KCNB2: variants seen among roughly 807,000 people sequenced by gnomAD.
KCNB2 encodes the protein delayed rectifier potassium channel protein.
In KCNB2, 15 loss-of-function variants were observed where a neutral mutation model predicts 61.5. That is an observed-to-expected ratio of 0.24 (90% CI 0.16 to 0.38). The LOEUF (loss-of-function observed/expected upper bound fraction) is 0.38. KCNB2 is among the 10% of genes least tolerant of loss of function. KCNB2 has a pLI of 1.00. For synonymous variants in KCNB2, 457 were observed against 446.0 expected (o/e 1.02, Z -0.31); for missense variants, 828 against 1,125.2 (o/e 0.74, Z 3.78).
chr8:72,561,719 A>ATATATATGTG (rs1806521209), intron 1 of KCNB2, among the ~76,000 whole-genome samples: 1 of 24,114 alleles, frequency 4.1e-5, no homozygotes, highest in African/African-American at 3.6e-4. Context: ...ATATATATAT[A>ATATATATGTG]TATATATATC....
chr8:72,686,415 A>G (rs1806854555), intron 2 of KCNB2, among the ~76,000 whole-genome samples: 1 of 152,006 alleles, frequency 6.6e-6, no homozygotes, highest in Non-Finnish European at 1.5e-5. Flanking sequence ...TGGCACAATC[A>G]TAGCTTACTG....
chr8:72,744,213 CAGA>C (rs1056530621), intron 2 of KCNB2, among the ~76,000 whole-genome samples: 1 of 152,092 alleles, frequency 6.6e-6, no homozygotes, highest in African/African-American at 2.4e-5. Context: ...TAGTAGAGAG[CAGA>C]AGGAGCCACA....
chr8:72,785,826 C>G (rs1394075343), intron 2 of KCNB2, among the ~76,000 whole-genome samples: 1 of 152,024 alleles, frequency 6.6e-6, no homozygotes, highest in African/African-American at 2.4e-5. Flanking sequence ...CTACTGAGTG[C>G]CTGCTGTGTA....
At chr8:72,907,412 A>G (rs1806198433) in intron 2 of KCNB2, among the ~76,000 whole-genome samples, 1 of 152,080 alleles carries the variant, frequency 6.6e-6, no homozygotes, top group South Asian at 2.1e-4. Flanking sequence ...ACACACAACT[A>G]TTTAAAAGTA....
chr8:72,556,810 A>G lies in KCNB2; in HGVS notation c.-93-10832A>G, dbSNP rs150184509. 1.1e-4 allele frequency among the ~76,000 whole-genome samples: 17 copies of G among 152,250 alleles called. No homozygotes were observed. In the East Asian group the frequency reaches 3.3e-3, roughly 29 times the overall value. On this transcript the variant is annotated intron_variant, in intron 1 of 2. Coordinates refer to ENST00000523207, the MANE Select transcript of KCNB2 (RefSeq NM_004770.3). ...AGCGGTCTGCTTTGAGGCTGATGGTATGGTATCTTAGTCCTTTGGGACTAT... is the reference window on the plus strand; with the variant it reads ...AGCGGTCTGCTTTGAGGCTGATGGTGTGGTATCTTAGTCCTTTGGGACTAT...
chr8:72,691,969 G>GC (rs1806946623), intron 2 of KCNB2, among the ~76,000 whole-genome samples: 1 of 152,020 alleles, frequency 6.6e-6, no homozygotes, highest in African/African-American at 2.4e-5. Flanking sequence ...GGGTGCGGTG[G>GC]CTCACACTTG....
At chr8:72,865,818 G>C (rs1218186734) in intron 2 of KCNB2, among the ~76,000 whole-genome samples, 1 of 152,036 alleles carries the variant, frequency 6.6e-6, no homozygotes, top group Non-Finnish European at 1.5e-5. Flanking sequence ...CCATCCTAAG[G>C]AAACACCCTG....
intron 2 of KCNB2, among the ~76,000 whole-genome samples, chr8:72,834,354 G>C: frequency 6.6e-6 from 1 of 152,122 alleles, no homozygotes; most frequent in South Asian, 2.1e-4. Flanking sequence ...GTTGCTACAG[G>C]GGGAGGAAAG....
At chr8:72,824,139 A>G (rs948771676) in intron 2 of KCNB2, among the ~76,000 whole-genome samples, 1 of 152,184 alleles carries the variant, frequency 6.6e-6, no homozygotes, top group African/African-American at 2.4e-5. Context: ...AATTCAAAGT[A>G]TTAGTCAAAA....
chr8:72,604,675 T>G (rs1182139053), intron 2 of KCNB2, among the ~76,000 whole-genome samples: 1 of 152,214 alleles, frequency 6.6e-6, no homozygotes, highest in Non-Finnish European at 1.5e-5. Flanking sequence ...GATCATAAAT[T>G]AATTGTTTTG....
intron 1 of KCNB2, among the ~76,000 whole-genome samples, chr8:72,543,636 A>T (rs919494951): frequency 2.0e-5 from 3 of 152,196 alleles, no homozygotes; most frequent in African/African-American, 7.2e-5. Context: ...TCCTGTGTAA[A>T]AACATGCTAT....
At chr8:72,725,571 A>ATATG (rs1807627505) in intron 2 of KCNB2, among the ~76,000 whole-genome samples, 3 of 91,396 alleles carry the variant, frequency 3.3e-5, no homozygotes, top group African/African-American at 1.6e-4. Context: ...ATATGTATAT[A>ATATG]TATGTATATA....
At position 72,551,111 on chromosome 8, in the gene KCNB2, C is replaced by T. The variant is rs943099225; in HGVS notation, c.-94+13226C>T. Among the ~76,000 whole-genome samples the T allele has an allele frequency of 2.0e-4, 30 of 152,308 alleles. 1 individual carries two copies. Among genetic ancestry groups the T allele is most frequent in the Admixed American group, 1.4e-3 (21 of 15,290 alleles). On this transcript the variant is annotated intron_variant, in intron 1 of 2. Transcript: ENST00000523207. ...GCACAATGGACAGGACCATTTCTTA[C>T]GCCATCACCAAAGCACCAACCCCAC...
In KCNB2 at chr8:72,936,997, A is replaced by T. The variant is rs1166790614; in HGVS notation, c.1642A>T (p.Thr548Ser). ...QKLEMLYNEI[T>S]KTQPHSHPNP... The stretch of plus-strand genomic sequence containing the variant: ...ACTGGAGATGCTATACAATGAAATC[A>T]CCAAGACACAGCCTCATTCTCACCC... The change falls in exon 3 of 3, where the codon ACC (threonine) becomes TCC (serine). Residue 548 changes from threonine (T) to serine (S), a missense_variant. Transcript: ENST00000523207. This position sits in a 1 kb window ranked among gnomAD's most constrained non-coding sequence, Gnocchi z 5.6. The T allele has an allele frequency of 6.2e-7, 1 of 1,614,036 alleles. No homozygotes were observed. Among genetic ancestry groups the T allele is most frequent in the East Asian group, 2.2e-5 (1 of 44,884 alleles).
At chr8:72,637,155 A>AAGTTAAG (rs1805979227) in intron 2 of KCNB2, among the ~76,000 whole-genome samples, 1 of 152,042 alleles carries the variant, frequency 6.6e-6, no homozygotes. Context: ...TACGCCTCTG[A>AAGTTAAG]CTCAGTTTCT....
chr8:72,821,297 C>G (rs1185528840), intron 2 of KCNB2, among the ~76,000 whole-genome samples: 2 of 151,892 alleles, frequency 1.3e-5, no homozygotes, highest in East Asian at 3.9e-4. Flanking sequence ...TATTAATATG[C>G]CTGATTATTA....
intron 2 of KCNB2, among the ~76,000 whole-genome samples, chr8:72,620,988 T>C (rs1805706045): frequency 1.3e-5 from 2 of 152,218 alleles, no homozygotes; most frequent in Non-Finnish European, 1.5e-5. Flanking sequence ...TCTGGACTTT[T>C]GTCTTTCTGA....
At chr8:72,753,164 T>A (rs1808228053) in intron 2 of KCNB2, among the ~76,000 whole-genome samples, 1 of 152,204 alleles carries the variant, frequency 6.6e-6, no homozygotes, top group Non-Finnish European at 1.5e-5. Context: ...TTGAATAGAT[T>A]TTTGTTGGTA....
intron 2 of KCNB2, among the ~76,000 whole-genome samples, chr8:72,766,373 G>A (rs1205528501): frequency 2.0e-5 from 3 of 152,294 alleles, no homozygotes; most frequent in African/African-American, 7.2e-5. Flanking sequence ...CTTAAACTAT[G>A]TTCCACAAGA....
Sources: allele counts gnomAD v4.1 joint callset (sites outside exome capture counted in the v4.1 genomes callset), GRCh38; gene constraint gnomAD v4.1.1; non-coding constraint Gnocchi (gnomAD v3.1); transcripts MANE v1.5; gene names NCBI Gene and HGNC (gene_info 2026-07-23, HGNC 2026-07-21).